STAG3: variants seen among roughly 807,000 people sequenced by gnomAD.
The protein encoded by STAG3 is cohesin subunit SA-3.
STAG3 carries 101 observed loss-of-function variants against 160.7 expected under a neutral mutation model. That is an observed-to-expected ratio of 0.63 (90% CI 0.54 to 0.74). The LOEUF is 0.74. STAG3 is among the 30% of genes least tolerant of loss of function. STAG3 has a pLI of 0.00. For synonymous variants in STAG3, 519 were observed against 585.0 expected (o/e 0.89, Z 1.63); for missense variants, 1,188 against 1,517.4 (o/e 0.78, Z 3.61).
rs201756214 is a variant in STAG3, at chr7:100,188,434, C to G, written c.434-19C>G. The G allele has an allele frequency of 7.2e-5, 111 of 1,548,856 alleles. No individual in the cohort carries two copies. The East Asian group carries it at 2.3e-3, about 32-fold the overall frequency. The stretch of plus-strand genomic sequence containing the variant: ...CCTGTTATTTTCCTTGTAAGCACCT[C>G]ATATCCTTCATTCTTTAGGCATTGT... On this transcript the variant is annotated intron_variant, in intron 5 of 33. Transcript: ENST00000615138.
rs185854174 is a variant in STAG3 at position 100,180,915 on chromosome 7, T to G, written c.116+243T>G. On this transcript the variant is annotated intron_variant, in intron 2 of 33. Transcript: ENST00000615138. The stretch of plus-strand genomic sequence containing the variant: ...TTTTTTTTGAGACGGAGTCTCGCCC[T>G]GTCGCCCAGGCTGGAGTGCAGTGGC... The G allele has an allele frequency of 9.3e-6, 3 of 324,262 alleles. No homozygotes were observed. The East Asian group carries it at 2.2e-4, about 23-fold the overall frequency. The allele number at this position is 324,262 out of a possible 1,614,324, so 20.1% of individuals were successfully genotyped here.
At chr7:100,216,912 A>C (rs1427182170), downstream of STAG3, among the ~76,000 whole-genome samples, 2 of 152,222 alleles carry the variant, frequency 1.3e-5, no homozygotes, top group Non-Finnish European at 2.9e-5. Context: ...AAACCCGCTG[A>C]AAATCTTCAT....
chr7:100,217,256 G>A (rs1217536155), downstream of STAG3, among the ~76,000 whole-genome samples: 1 of 152,222 alleles, frequency 6.6e-6, no homozygotes, highest in Non-Finnish European at 1.5e-5. Flanking sequence ...AGGCTCAGCT[G>A]TGAAGGGTTC....
chr7:100,179,417 G>T (rs541774515), intron 1 of STAG3, among the ~76,000 whole-genome samples: 1 of 151,442 alleles, frequency 6.6e-6, no homozygotes, highest in Non-Finnish European at 1.5e-5. Flanking sequence ...TAGAGATGGG[G>T]TCTTGCTATG....
At chr7:100,216,069 G>C (rs1363482640), downstream of STAG3, among the ~76,000 whole-genome samples, 2 of 152,202 alleles carry the variant, frequency 1.3e-5, no homozygotes, top group East Asian at 3.8e-4. Flanking sequence ...ATGGGAGTCA[G>C]ATGATTCCAA....
rs144753898 is a variant in STAG3 at position 100,198,960 on chromosome 7, G to A, written c.1467+3G>A. 701 of 1,611,488 alleles carry A rather than the reference G, an allele frequency of 4.4e-4. 1 individual carries two copies. In the African/African-American group the frequency reaches 8.1e-3, roughly 19 times the overall value. On this transcript the variant is annotated splice_donor_region_variant and intron_variant, in intron 14 of 33. Transcript: ENST00000615138. ...TGTCCTTCTTTGTGGAGAGCGAGGTGACATACACAGAGAGAAGTCTGGCTG... is the reference window on the plus strand; with the variant it reads ...TGTCCTTCTTTGTGGAGAGCGAGGTAACATACACAGAGAGAAGTCTGGCTG...
intron 8 of STAG3, among the ~76,000 whole-genome samples, chr7:100,192,651 T>G (rs1443510169): frequency 6.6e-6 from 1 of 152,228 alleles, no homozygotes; most frequent in East Asian, 1.9e-4. Flanking sequence ...AATGTACTGG[T>G]GCAGTCATGG....
chr7:100,210,669 G>A (rs924448196), intron 29 of STAG3, among the ~76,000 whole-genome samples: 1 of 152,132 alleles, frequency 6.6e-6, no homozygotes, highest in African/African-American at 2.4e-5. Context: ...CAATCTTAGA[G>A]ACTCCAACCC....
chr7:100,195,087 A>G (rs931791403), intron 8 of STAG3, among the ~76,000 whole-genome samples: 1 of 152,228 alleles, frequency 6.6e-6, no homozygotes, highest in Admixed American at 6.5e-5. Context: ...AACCACATGC[A>G]GAGGGGTTAT....
chr7:100,208,322 T>C (rs1233464787), intron 29 of STAG3, among the ~76,000 whole-genome samples: 8 of 152,222 alleles, frequency 5.3e-5, no homozygotes, highest in African/African-American at 1.7e-4. Context: ...ATATGAAAGA[T>C]ACTATGTTCA....
At chr7:100,184,357 C>T (rs1464772308) in intron 4 of STAG3, among the ~76,000 whole-genome samples, 1 of 151,418 alleles carries the variant, frequency 6.6e-6, no homozygotes, top group East Asian at 1.9e-4. Flanking sequence ...GTTTCTTTTT[C>T]CACCTTTGCT....
intron 9 of STAG3, among the ~76,000 whole-genome samples, chr7:100,196,400 C>G (rs1292751216): frequency 6.6e-6 from 1 of 151,940 alleles, no homozygotes; most frequent in Non-Finnish European, 1.5e-5. Context: ...TCTGCCTCAG[C>G]CTCCCAAGTA....
intron 29 of STAG3, among the ~76,000 whole-genome samples, chr7:100,210,349 C>CTTT (rs1054173258): frequency 7.2e-5 from 11 of 152,184 alleles, no homozygotes; most frequent in African/African-American, 2.7e-4. Context: ...TTGACTGATG[C>CTTT]TTTAAAATAG....
intron 26 of STAG3, 131 bp downstream of exon 26, chr7:100,204,253 G>T: frequency 1.5e-6 from 1 of 685,690 alleles, no homozygotes; most frequent in Non-Finnish European, 2.4e-6. Context: ...TTACGTGATA[G>T]GTTCCTTCAT....
chr7:100,198,050 T>G, intron 11 of STAG3, 37 bp from the exon 12 acceptor site: 1 of 1,603,102 alleles, frequency 6.2e-7, no homozygotes, highest in Non-Finnish European at 8.5e-7. Flanking sequence ...TTGGAATGGG[T>G]GTAATGAGAT....
intron 1 of STAG3, among the ~76,000 whole-genome samples, chr7:100,178,887 G>T (rs1799450619): frequency 6.6e-6 from 1 of 151,018 alleles, no homozygotes; most frequent in South Asian, 2.1e-4. Flanking sequence ...GGAGTGCAGT[G>T]GTGCAGTCAT....
intron 4 of STAG3, among the ~76,000 whole-genome samples, chr7:100,184,494 AGTC>A (rs1243497334): frequency 1.2e-5 from 1 of 82,502 alleles, no homozygotes; most frequent in African/African-American, 5.3e-5. Flanking sequence ...TTTGAGACGG[AGTC>A]TTGTTCTGTC....
chr7:100,205,571 C>A (rs1801572261), intron 29 of STAG3, among the ~76,000 whole-genome samples, 187 bp downstream of exon 29: 1 of 152,320 alleles, frequency 6.6e-6, no homozygotes, highest in Admixed American at 6.5e-5. Flanking sequence ...GTGGCTCATG[C>A]CTGCAATCCC....
intron 10 of STAG3, 31 bp downstream of exon 10, chr7:100,197,310 TC>T (rs1445068152): frequency 6.2e-7 from 1 of 1,603,974 alleles, no homozygotes; most frequent in East Asian, 2.3e-5. Context: ...CCTTTCCGTT[TC>T]CTTCATCTTT....
Sources: allele counts gnomAD v4.1 joint callset (sites outside exome capture counted in the v4.1 genomes callset), GRCh38; gene constraint gnomAD v4.1.1; transcripts MANE v1.5; gene names NCBI Gene and HGNC (gene_info 2026-07-23, HGNC 2026-07-21).